C1orf21: variants seen among roughly 807,000 people sequenced by gnomAD.
C1orf21 encodes the protein chromosome 1 open reading frame 21.
Under a neutral mutation model 18.7 loss-of-function variants are expected in C1orf21, and 3 were observed. The ratio of observed to expected loss-of-function variants is 0.16; its 90% CI spans 0.07 to 0.42. The LOEUF (loss-of-function observed/expected upper bound fraction) is 0.42. Ranked by LOEUF, C1orf21 falls within the 10% of genes least tolerant of loss-of-function variation. The pLI is 0.99. For synonymous variants in C1orf21, 41 were observed against 46.4 expected (o/e 0.88, Z 0.47); for missense variants, 104 against 143.6 (o/e 0.72, Z 1.41).
At chr1:184,605,184 A>T (rs1423982804) in intron 5 of C1orf21, among the ~76,000 whole-genome samples, 1 of 152,174 alleles carries the variant, frequency 6.6e-6, no homozygotes, top group Non-Finnish European at 1.5e-5. Flanking sequence ...CTCTTCAGCT[A>T]TCCTTTTCTC....
At chr1:184,605,176 C>G (rs1370623504) in intron 5 of C1orf21, among the ~76,000 whole-genome samples, 1 of 152,214 alleles carries the variant, frequency 6.6e-6, no homozygotes, top group African/African-American at 2.4e-5. Flanking sequence ...CTTGCCCTCT[C>G]TTCAGCTATC....
At chr1:184,586,080 T>G (rs6674023) in intron 3 of C1orf21, among the ~76,000 whole-genome samples, 92 of 152,132 alleles carry the variant, frequency 6.0e-4, no homozygotes, top group African/African-American at 2.1e-3. Flanking sequence ...TTTACACTCC[T>G]ACCAACAGTG....
chr1:184,581,469 T>A (rs966097956), intron 3 of C1orf21, among the ~76,000 whole-genome samples: 1 of 152,100 alleles, frequency 6.6e-6, no homozygotes, highest in Non-Finnish European at 1.5e-5. Flanking sequence ...CATTTTTTAC[T>A]ATAGCATAAC....
intron 5 of C1orf21, among the ~76,000 whole-genome samples, chr1:184,602,673 G>A (rs1017828511): frequency 1.3e-5 from 2 of 152,162 alleles, no homozygotes; most frequent in Admixed American, 6.5e-5. Flanking sequence ...AGCCTGTGGA[G>A]GAGTTTCTGA....
At chr1:184,619,376 A>T in intron 5 of C1orf21, 142 bp from the exon 6 acceptor site, 1 of 807,608 alleles carries the variant, frequency 1.2e-6, no homozygotes, top group Non-Finnish European at 2.0e-6. Context: ...TGACGTAGCT[A>T]CCCCTGTGCC....
intron 3 of C1orf21, among the ~76,000 whole-genome samples, chr1:184,572,384 C>T (rs751196202): frequency 6.6e-6 from 1 of 152,148 alleles, no homozygotes; most frequent in Non-Finnish European, 1.5e-5. Context: ...GGTAAATGGA[C>T]CAGTATACAT....
chr1:184,602,600 A>G (rs1255362133), intron 5 of C1orf21, among the ~76,000 whole-genome samples: 1 of 152,194 alleles, frequency 6.6e-6, no homozygotes, highest in Non-Finnish European at 1.5e-5. Flanking sequence ...GGAGCAAAAT[A>G]GTGATTTTAA....
At chr1:184,465,768 A>G (rs903265105) in intron 1 of C1orf21, among the ~76,000 whole-genome samples, 4 of 152,166 alleles carry the variant, frequency 2.6e-5, no homozygotes, top group African/African-American at 9.7e-5. Flanking sequence ...TCCTCAATTT[A>G]CCCTAATACT....
chr1:184,603,943 G>T (rs987010201), intron 5 of C1orf21, among the ~76,000 whole-genome samples: 6 of 152,224 alleles, frequency 3.9e-5, no homozygotes, highest in African/African-American at 1.4e-4. Flanking sequence ...GGTGAAAAAG[G>T]TCATGGTAAA....
intron 3 of C1orf21, among the ~76,000 whole-genome samples, chr1:184,527,718 C>A (rs1006056036): frequency 6.6e-6 from 1 of 152,112 alleles, no homozygotes; most frequent in Non-Finnish European, 1.5e-5. Flanking sequence ...TAGATATAGG[C>A]CCTGTCACTT....
In C1orf21 at chr1:184,621,038, AG is replaced by A. The variant is rs1335594530; in HGVS notation, c.*1485del. 2 of 152,584 alleles carry A rather than the reference AG, an allele frequency of 1.3e-5. No individual in the cohort carries two copies. The highest frequency in any genetic ancestry group is 2.9e-5 in the Non-Finnish European group (2 of 68,036). The allele number at this position is 152,584 out of a possible 1,614,324, so 9.5% of individuals were successfully genotyped here. A position where few individuals can be genotyped will look rare whatever the true frequency, so the allele number is the denominator to read the frequency against. The stretch of plus-strand genomic sequence containing the variant: ...CTCTCTTTTGGAGTTGTGACTTTGA[AG>A]GGCCTCAATATTAGCCACACTGCCG... On this transcript the variant is annotated 3_prime_UTR_variant, in exon 6 of 6. Coordinates refer to ENST00000235307, the MANE Select transcript of C1orf21 (RefSeq NM_030806.4).
At chr1:184,488,290 C>G (rs1208728004) in intron 2 of C1orf21, among the ~76,000 whole-genome samples, 1 of 152,160 alleles carries the variant, frequency 6.6e-6, no homozygotes, top group Non-Finnish European at 1.5e-5. Context: ...TGCCTCATTT[C>G]TTTCAAAGTG....
intron 5 of C1orf21, among the ~76,000 whole-genome samples, chr1:184,613,355 G>C (rs1160849656): frequency 6.6e-6 from 1 of 152,224 alleles, no homozygotes; most frequent in Non-Finnish European, 1.5e-5. Context: ...TGGATAAGCA[G>C]AGACAACTGT....
At chr1:184,566,991 C>T in intron 3 of C1orf21, 1 of 527,064 alleles carries the variant, frequency 1.9e-6, no homozygotes, top group Non-Finnish European at 3.9e-6. Flanking sequence ...GATGGCAATC[C>T]AAAGACTGTG....
At chr1:184,407,207 TCAAG>T (rs1412964828) in intron 1 of C1orf21, among the ~76,000 whole-genome samples, 1 of 152,172 alleles carries the variant, frequency 6.6e-6, no homozygotes, top group Non-Finnish European at 1.5e-5. Flanking sequence ...ACTCCTGGTC[TCAAG>T]CAATCTTCTC....
intron 3 of C1orf21, among the ~76,000 whole-genome samples, chr1:184,571,994 G>A (rs760872666): frequency 1.3e-5 from 2 of 152,162 alleles, no homozygotes; most frequent in Non-Finnish European, 2.9e-5. Context: ...AGCAATAATA[G>A]TAATGGCTGG....
At chr1:184,534,627 T>A (rs1658519661) in intron 3 of C1orf21, among the ~76,000 whole-genome samples, 1 of 152,202 alleles carries the variant, frequency 6.6e-6, no homozygotes, top group African/African-American at 2.4e-5. Context: ...ATTCTCTTAG[T>A]CATTCAGCAA....
chr1:184,561,372 G>A (rs990385428), intron 3 of C1orf21, among the ~76,000 whole-genome samples: 1 of 152,138 alleles, frequency 6.6e-6, no homozygotes, highest in African/African-American at 2.4e-5. Flanking sequence ...ATAATCCTGG[G>A]CTGGTATAAT....
chr1:184,569,769 T>G (rs989339276), intron 3 of C1orf21, among the ~76,000 whole-genome samples: 5 of 152,192 alleles, frequency 3.3e-5, no homozygotes, highest in African/African-American at 9.7e-5. Flanking sequence ...GTGGTACTAT[T>G]TTGAAGATTG....
Sources: allele counts gnomAD v4.1 joint callset (sites outside exome capture counted in the v4.1 genomes callset), GRCh38; gene constraint gnomAD v4.1.1; transcripts MANE v1.5; gene names NCBI Gene and HGNC (gene_info 2026-07-23, HGNC 2026-07-21).